LRRC37A2: variants seen among roughly 807,000 people sequenced by gnomAD.
LRRC37A2 encodes the protein leucine-rich repeat-containing protein 37A2.
Under a neutral mutation model 68.8 loss-of-function variants are expected in LRRC37A2, and 9 were observed. That is an observed-to-expected ratio of 0.13 (90% CI 0.08 to 0.23). The LOEUF is 0.23. LRRC37A2 is among the 10% of genes least tolerant of loss of function. LRRC37A2 has a pLI of 1.00. For missense variants in LRRC37A2, 168 were observed against 950.4 expected, an observed-to-expected ratio of 0.18 and a Z score of 10.82; for synonymous variants, 63 against 367.6, an observed-to-expected ratio of 0.17 and a Z score of 9.48.
chr17:46,984,797 T>G, the LRRC37A2 span, among the ~76,000 whole-genome samples: 1 of 152,226 alleles, frequency 6.6e-6, no homozygotes, highest in East Asian at 1.9e-4. Flanking sequence ...ATAAGTGTTC[T>G]TTGTATGAGC....
the LRRC37A2 span, among the ~76,000 whole-genome samples, chr17:46,798,868 G>T: frequency 0.017 from 2,641 of 151,970 alleles, 200 homozygotes; most frequent in East Asian, 0.19. Flanking sequence ...GCTAACATGG[G>T]GAAACCCCAT....
the LRRC37A2 span, among the ~76,000 whole-genome samples, chr17:46,714,512 T>G: frequency 6.6e-6 from 1 of 152,214 alleles, no homozygotes; most frequent in Non-Finnish European, 1.5e-5. Flanking sequence ...ACTCGTCACC[T>G]TCTTAATTAA....
At chr17:46,871,458 A>G in the LRRC37A2 span, among the ~76,000 whole-genome samples, 1 of 152,022 alleles carries the variant, frequency 6.6e-6, no homozygotes, top group Non-Finnish European at 1.5e-5. Context: ...CCCCTCGTAA[A>G]TCCTTTGTTT....
chr17:47,030,088 AATCATCATCATCATCATCATCATC>A, the LRRC37A2 span, among the ~76,000 whole-genome samples: 13 of 107,130 alleles, frequency 1.2e-4, no homozygotes, highest in African/African-American at 4.7e-4. Flanking sequence ...TAATAATAAT[AATCATCATCATCATCATCATCATC>A]ATCATCATCA....
chr17:46,976,782 G>A, the LRRC37A2 span, among the ~76,000 whole-genome samples: 2 of 152,126 alleles, frequency 1.3e-5, no homozygotes, highest in Non-Finnish European at 2.9e-5. Flanking sequence ...CCAAACCACT[G>A]AGGGCAGCCC....
chr17:47,038,336 C>T, the LRRC37A2 span, among the ~76,000 whole-genome samples: 6 of 151,510 alleles, frequency 4.0e-5, no homozygotes, highest in Non-Finnish European at 7.4e-5. Flanking sequence ...ATGTTTGTGG[C>T]CAGATGCAGT....
At chr17:46,806,237 G>C in the LRRC37A2 span, among the ~76,000 whole-genome samples, 1 of 54,658 alleles carries the variant, frequency 1.8e-5, no homozygotes, top group South Asian at 5.6e-4. Context: ...TTGAGACAGA[G>C]TTTCGCTTTT....
chr17:46,910,561 A>G, the LRRC37A2 span, among the ~76,000 whole-genome samples: 23 of 152,232 alleles, frequency 1.5e-4, no homozygotes, highest in African/African-American at 5.5e-4. Context: ...ATGGAAAGAC[A>G]TATGCACCTC....
At chr17:46,919,326 T>C in the LRRC37A2 span, among the ~76,000 whole-genome samples, 1 of 152,154 alleles carries the variant, frequency 6.6e-6, no homozygotes, top group Non-Finnish European at 1.5e-5. Context: ...ATTATCCAAG[T>C]GGTTTAGCCA....
the LRRC37A2 span, among the ~76,000 whole-genome samples, chr17:46,871,995 T>C: frequency 1.3e-5 from 2 of 152,192 alleles, no homozygotes; most frequent in Non-Finnish European, 2.9e-5. Flanking sequence ...GAGAGGGATG[T>C]CAGGGGACCT....
the LRRC37A2 span, among the ~76,000 whole-genome samples, chr17:46,893,500 C>A: frequency 6.6e-6 from 1 of 152,232 alleles, no homozygotes; most frequent in African/African-American, 2.4e-5. Context: ...TTCATTCTCC[C>A]CACCAGGCAT....
At chr17:46,801,699 C>T in the LRRC37A2 span, among the ~76,000 whole-genome samples, 2 of 151,960 alleles carry the variant, frequency 1.3e-5, no homozygotes, top group Non-Finnish European at 2.9e-5. Context: ...AAAGAAGATC[C>T]GTTGAGGCTG....
chr17:46,904,007 G>T, the LRRC37A2 span, among the ~76,000 whole-genome samples: 4 of 151,762 alleles, frequency 2.6e-5, no homozygotes, highest in African/African-American at 4.8e-5. Context: ...TGGATGAGTG[G>T]CTGGATAAAT....
chr17:46,893,514 T>TG, the LRRC37A2 span, among the ~76,000 whole-genome samples: 1 of 152,168 alleles, frequency 6.6e-6, no homozygotes, highest in African/African-American at 2.4e-5. Context: ...CAGGCATTTA[T>TG]GGGTCTCTCC....
At chr17:46,455,706 C>A in the LRRC37A2 span, among the ~76,000 whole-genome samples, 2 of 148,674 alleles carry the variant, frequency 1.3e-5, no homozygotes, top group Non-Finnish European at 3.0e-5. Context: ...CCCTTTTTAC[C>A]CATACTTAGG....
the LRRC37A2 span, among the ~76,000 whole-genome samples, chr17:46,962,630 A>T: frequency 2.0e-5 from 3 of 152,220 alleles, no homozygotes; most frequent in Non-Finnish European, 4.4e-5. Flanking sequence ...CCATGAGTTG[A>T]TAAGGAGAGG....
At chr17:46,769,938 G>A in the LRRC37A2 span, 2 of 1,613,316 alleles carry the variant, frequency 1.2e-6, no homozygotes, top group South Asian at 2.2e-5. Context: ...GGCCCCTTAT[G>A]ATGCGAGTCA....
At chr17:46,722,142 A>G in the LRRC37A2 span, 3 of 1,611,878 alleles carry the variant, frequency 1.9e-6, no homozygotes, top group Non-Finnish European at 2.5e-6. Context: ...ATTGGGCTTC[A>G]CGATCTTGGC....
the LRRC37A2 span, chr17:46,694,730 A>G: frequency 2.1e-6 from 3 of 1,428,146 alleles, no homozygotes; most frequent in South Asian, 4.2e-5. Context: ...TTTCAAGCAT[A>G]TCAAGGGGTA....
Sources: allele counts gnomAD v4.1 joint callset (sites outside exome capture counted in the v4.1 genomes callset), GRCh38; gene constraint gnomAD v4.1.1; transcripts MANE v1.5; gene names NCBI Gene and HGNC (gene_info 2026-07-23, HGNC 2026-07-21).